The following P2RY14 variants were observed in gnomAD, a reference collection of about 807,000 sequenced individuals.
P2RY14 encodes the protein purinergic receptor P2Y14, also known as P2Y purinoceptor 14.
P2RY14 carries 2 observed loss-of-function variants against 0.9 expected under a neutral mutation model. That is an observed-to-expected ratio of 2.16 (90% CI 0.88 to 6.79). The LOEUF (loss-of-function observed/expected upper bound fraction) is 6.79, where lower values mean the gene tolerates loss of function less well. Among genes scored for constraint, P2RY14 ranks in the 30% most tolerant of loss-of-function variants. The pLI is 0.05. For missense variants in P2RY14, 378 were observed against 400.1 expected, an observed-to-expected ratio of 0.94 and a Z score of 0.47; for synonymous variants, 158 against 147.2, an observed-to-expected ratio of 1.07 and a Z score of -0.53.
chr3:151,261,941 G>A (rs2149501908), intron 1 of P2RY14, among the ~76,000 whole-genome samples: 1 of 152,192 alleles, frequency 6.6e-6, no homozygotes, highest in South Asian at 2.1e-4. Context: ...TGGCCAGGCT[G>A]GTCTTGAACT....
In P2RY14 at chr3:151,238,468, G is replaced by A. The variant is rs1236654815; in HGVS notation, c.-132-18826C>T. On this transcript the variant is annotated intron_variant, in intron 1 of 2. Coordinates refer to ENST00000309170, the MANE Select transcript of P2RY14 (RefSeq NM_014879.4). ...AGCCTGGAACAGTGGTTTTTAAAAT[G>A]TGGTCTGCAGAACCACAGGGGTTCC... Among the ~76,000 whole-genome samples the A allele has an allele frequency of 2.0e-5, 3 of 152,212 alleles. No individual in the cohort carries two copies. The South Asian group carries it at 6.2e-4, about 32-fold the overall frequency.
At chr3:151,263,872 A>G (rs1559956261) in intron 1 of P2RY14, among the ~76,000 whole-genome samples, 1 of 152,174 alleles carries the variant, frequency 6.6e-6, no homozygotes, top group Non-Finnish European at 1.5e-5. Flanking sequence ...GAGACAATAC[A>G]AAGCAGTGTT....
At chr3:151,273,911 T>C (rs1741430729) in intron 1 of P2RY14, among the ~76,000 whole-genome samples, 1 of 152,230 alleles carries the variant, frequency 6.6e-6, no homozygotes, top group Non-Finnish European at 1.5e-5. Context: ...TATTGAAAAC[T>C]TCACTGTGTT....
At chr3:151,252,971 ATATT>A (rs1267609388) in intron 1 of P2RY14, among the ~76,000 whole-genome samples, 1 of 152,188 alleles carries the variant, frequency 6.6e-6, no homozygotes, top group Non-Finnish European at 1.5e-5. Context: ...ATTTAGGAGA[ATATT>A]TATTTTAAGG....
At chr3:151,276,837 C>T (rs1741947285) in intron 1 of P2RY14, among the ~76,000 whole-genome samples, 1 of 152,068 alleles carries the variant, frequency 6.6e-6, no homozygotes, top group Non-Finnish European at 1.5e-5. Context: ...GGCCCACTTC[C>T]CCTGTGTCTT....
intron 1 of P2RY14, among the ~76,000 whole-genome samples, chr3:151,253,655 G>A (rs532260275): frequency 6.6e-6 from 1 of 152,002 alleles, no homozygotes; most frequent in African/African-American, 2.4e-5. Flanking sequence ...TTCTTTTTTT[G>A]TGAGGGGGTG....
chr3:151,230,394 G>C (rs1287488786), intron 1 of P2RY14, among the ~76,000 whole-genome samples: 2 of 152,144 alleles, frequency 1.3e-5, no homozygotes, highest in Non-Finnish European at 2.9e-5. Context: ...CTTATGTCTT[G>C]CCCTGCCCCA....
At chr3:151,271,814 C>T (rs943823787) in intron 1 of P2RY14, among the ~76,000 whole-genome samples, 1 of 152,108 alleles carries the variant, frequency 6.6e-6, no homozygotes, top group Non-Finnish European at 1.5e-5. Context: ...AGTTCTAATA[C>T]TGGTAGAACT....
chr3:151,258,246 G>A (rs1211372763), intron 1 of P2RY14, among the ~76,000 whole-genome samples: 1 of 152,172 alleles, frequency 6.6e-6, no homozygotes, highest in African/African-American at 2.4e-5. Context: ...GCATAATCAA[G>A]TACTCTTGAC....
intron 2 of P2RY14, among the ~76,000 whole-genome samples, chr3:151,214,901 G>A (rs1426716037): frequency 6.6e-6 from 1 of 152,124 alleles, no homozygotes; most frequent in East Asian, 1.9e-4. Flanking sequence ...TGTTGGAAAT[G>A]TGATTGTTTT....
chr3:151,232,225 CT>C (rs1472800990), intron 1 of P2RY14, among the ~76,000 whole-genome samples: 1 of 152,168 alleles, frequency 6.6e-6, no homozygotes, highest in Non-Finnish European at 1.5e-5. Context: ...CCAAAGTAGT[CT>C]TTACTTAAAA....
At position 151,270,960 on chromosome 3, in the gene P2RY14, A is replaced by T. The variant is rs187609531; in HGVS notation, c.-133+7327T>A. ...AGATGACACTTAGTTTTAAATGTTA[A>T]AAGTGTACAAGTTGCTTTGTTAGAA... On this transcript the variant is annotated intron_variant, in intron 1 of 2. Transcript: ENST00000309170. Among the ~76,000 whole-genome samples the T allele has an allele frequency of 9.9e-4, 151 of 152,264 alleles. 1 individual carries two copies. Among genetic ancestry groups the T allele is most frequent in the African/African-American group, 3.4e-3 (142 of 41,570 alleles).
At chr3:151,242,131 G>T (rs1232394121) in intron 1 of P2RY14, among the ~76,000 whole-genome samples, 2 of 152,198 alleles carry the variant, frequency 1.3e-5, no homozygotes, top group African/African-American at 2.4e-5. Flanking sequence ...CTACGCCCAT[G>T]GAGTCTCGCT....
intron 1 of P2RY14, among the ~76,000 whole-genome samples, chr3:151,221,656 A>C (rs113933667): frequency 0.03 from 4,596 of 152,314 alleles, 222 homozygotes; most frequent in African/African-American, 0.11. Flanking sequence ...GCGAGTGCAC[A>C]GAAGTCAAGA....
At chr3:151,239,985 A>G (rs983763018) in intron 1 of P2RY14, among the ~76,000 whole-genome samples, 3 of 151,766 alleles carry the variant, frequency 2.0e-5, no homozygotes, top group African/African-American at 4.8e-5. Context: ...TTGTTTATCT[A>G]CCCACCAGAT....
Position 151,213,626 on chromosome 3 carries a change from A to G in P2RY14, c.691T>C (p.Ser231Pro). 6.2e-7 allele frequency: 1 copy of G among 1,614,176 alleles called. No homozygotes were observed. Among genetic ancestry groups the G allele is most frequent in the Non-Finnish European group, 8.5e-7 (1 of 1,180,024 alleles). Residue 231 changes from serine to proline, a missense_variant, in exon 3 of 3, where the codon TCT (serine) becomes CCT (proline). By Grantham distance (74) the Ser-to-Pro change is moderately conservative. Coordinates refer to ENST00000309170, the MANE Select transcript of P2RY14 (RefSeq NM_014879.4). ...ACGATGCTGAATATGTTGCGGCTAG[A>G]TTTCTTTTTGACCGAAGTGGAATTC... ...SRNSTSVKKKSSRNIFSIVFV... is the reference protein window; with the variant it reads ...SRNSTSVKKKPSRNIFSIVFV...
intron 1 of P2RY14, among the ~76,000 whole-genome samples, chr3:151,266,285 A>G (rs1298489115): frequency 1.3e-5 from 2 of 152,230 alleles, no homozygotes; most frequent in South Asian, 2.1e-4. Flanking sequence ...GAGAACATGA[A>G]CTTATCAAAG....
At chr3:151,228,576 T>C (rs1463064414) in intron 1 of P2RY14, among the ~76,000 whole-genome samples, 2 of 152,214 alleles carry the variant, frequency 1.3e-5, no homozygotes, top group Admixed American at 1.3e-4. Flanking sequence ...GGCCCAGCAG[T>C]GCTTGAACAA....
At chr3:151,276,446 G>A (rs1225497127) in intron 1 of P2RY14, among the ~76,000 whole-genome samples, 1 of 152,218 alleles carries the variant, frequency 6.6e-6, no homozygotes, top group Non-Finnish European at 1.5e-5. Flanking sequence ...TCATGATGAT[G>A]GCAGAATATG....
Sources: allele counts gnomAD v4.1 joint callset (sites outside exome capture counted in the v4.1 genomes callset), GRCh38; gene constraint gnomAD v4.1.1; transcripts MANE v1.5; gene names NCBI Gene and HGNC (gene_info 2026-07-23, HGNC 2026-07-21).